The following USH1C variants were observed in gnomAD, a reference collection of about 807,000 sequenced individuals.
USH1C encodes USH1 protein network component harmonin.
A neutral mutation model predicts 119.3 loss-of-function variants in USH1C; 90 were observed. That is an observed-to-expected ratio of 0.75 (90% CI 0.64 to 0.90). The LOEUF is 0.90. USH1C is among the 40% of genes least tolerant of loss of function. USH1C has a pLI of 0.00. For synonymous variants in USH1C, 465 were observed against 443.3 expected, an observed-to-expected ratio of 1.05 and a Z score of -0.62; for missense variants, 1,165 against 1,167.7, an observed-to-expected ratio of 1.00 and a Z score of 0.03.
rs1237575954 is a variant in USH1C at position 17,509,395 on chromosome 11, G to T, written c.1974C>A (p.Asn658Lys). The change falls in exon 18 of 27, where the codon AAC (asparagine) becomes AAA (lysine). Residue 658 changes from asparagine to lysine, a missense_variant. Asn to Lys is a moderately conservative substitution (Grantham distance 94). Transcript: ENST00000005226. The stretch of plus-strand genomic sequence containing the variant: ...GGAAGCTCTGTTCAGGGACAGGGGA[G>T]TTAGTGGGCTTCCCACTGTGGTTCT... ...EAKNHSGKPT[N>K]SPVPEQSFPP... The T allele has an allele frequency of 1.3e-6, 2 of 1,597,510 alleles. No individual in the cohort carries two copies. The highest frequency in any genetic ancestry group is 3.4e-5 in the Admixed American group (2 of 59,446).
chr11:17,509,517 G>A lies in USH1C; in HGVS notation c.1852C>T (p.Pro618Ser). 5 of 1,376,876 alleles carry A rather than the reference G, an allele frequency of 3.6e-6. No individual in the cohort carries two copies. The highest frequency in any genetic ancestry group is 3.0e-6 in the Non-Finnish European group (3 of 1,005,000). The allele number at this position is 1,376,876 out of a possible 1,614,324, so 85.3% of individuals were successfully genotyped here. A position where few individuals can be genotyped will look rare whatever the true frequency, so the allele number is the denominator to read the frequency against. The change falls in exon 18 of 27, where the codon CCC (proline) becomes TCC (serine). Residue 618 changes from proline to serine, a missense_variant. Physicochemically the swap from Pro to Ser is moderately conservative, Grantham distance 74 (BLOSUM62 -1). Coordinates refer to ENST00000005226, the MANE Select transcript of USH1C (RefSeq NM_153676.4). ...AGCGCCGAGGGCAGTGGGCGGGTGG[G>A]AGTGAGGTCTTGGGTGGGAACGGAT... is the stretch of plus-strand genomic sequence containing the variant. Reference protein sequence around the residue: ...PPSVPTQDLTPTRPLPSALEE... With the variant: ...PPSVPTQDLTSTRPLPSALEE...
intron 23 of USH1C, among the ~76,000 whole-genome samples, chr11:17,500,176 G>T (rs900782007): frequency 1.3e-5 from 2 of 152,218 alleles, no homozygotes; most frequent in African/African-American, 4.8e-5. Context: ...AGGGGATAAA[G>T]AACAAGGCAA....
intron 25 of USH1C, among the ~76,000 whole-genome samples, chr11:17,496,489 C>T (rs532668800): frequency 3.8e-4 from 58 of 152,300 alleles, no homozygotes; most frequent in Non-Finnish European, 7.4e-4. Context: ...TTCCCAACGT[C>T]TCTGCTTACC....
At chr11:17,495,096 G>A (rs1849199499) in intron 26 of USH1C, 1 of 247,666 alleles carries the variant, frequency 4.0e-6, no homozygotes, top group East Asian at 9.8e-5. Flanking sequence ...TGGGGGCCAT[G>A]GTGGAGCAAG....
intron 14 of USH1C, among the ~76,000 whole-genome samples, chr11:17,520,346 T>C (rs1280601337): frequency 6.6e-6 from 1 of 152,144 alleles, no homozygotes; most frequent in Admixed American, 6.5e-5. Context: ...GGCCTCCTTG[T>C]CCTGTTCCTG....
intron 23 of USH1C, 98 bp downstream of exon 23, chr11:17,500,953 G>A (rs1053827086): frequency 7.1e-6 from 7 of 992,408 alleles, no homozygotes; most frequent in East Asian, 2.6e-5. Flanking sequence ...TCCAGCAACC[G>A]TCAGCCCACT....
chr11:17,541,187 C>T (rs1851452449), intron 1 of USH1C, among the ~76,000 whole-genome samples: 1 of 152,212 alleles, frequency 6.6e-6, no homozygotes, highest in African/African-American at 2.4e-5. Flanking sequence ...CTTACTATCT[C>T]TCTCTCCCCA....
intron 4 of USH1C, among the ~76,000 whole-genome samples, chr11:17,528,071 C>T (rs751027546): frequency 7.9e-5 from 12 of 152,146 alleles, no homozygotes; most frequent in Non-Finnish European, 1.3e-4. Flanking sequence ...ACCTGTTTTC[C>T]TCGTCTGTAA....
chr11:17,521,284 G>A (rs1000944567), intron 13 of USH1C, 62 bp downstream of exon 13: 27 of 1,577,246 alleles, frequency 1.7e-5, no homozygotes, highest in Admixed American at 5.0e-5. Context: ...CCTCTGGTTG[G>A]CCACACTCCC....
intron 1 of USH1C, among the ~76,000 whole-genome samples, chr11:17,534,132 AC>A (rs1565068160): frequency 6.6e-6 from 1 of 152,268 alleles, no homozygotes; most frequent in Non-Finnish European, 1.5e-5. Context: ...AGAACGGGTA[AC>A]AGAGCAAGGT....
At chr11:17,520,497 C>A (rs938023340) in intron 14 of USH1C, among the ~76,000 whole-genome samples, 1 of 152,132 alleles carries the variant, frequency 6.6e-6, no homozygotes, top group Non-Finnish European at 1.5e-5. Flanking sequence ...GCTGGCTTCA[C>A]CCCAGCCCCT....
In USH1C at chr11:17,498,195, C is replaced by A. The variant is rs1064074; in HGVS notation, c.2457G>T (p.Glu819Asp). Residue 819 changes from glutamate to aspartate, a missense_variant, in exon 24 of 27, where the codon GAG (glutamate) becomes GAT (aspartate). Physicochemically the swap from Glu to Asp is conservative, Grantham distance 45 (BLOSUM62 2). Coordinates refer to ENST00000005226, the MANE Select transcript of USH1C (RefSeq NM_153676.4). ...IVTDYTLAEA[E>D]AALQKAWNQG... ...GATTCCAGGCCTTCTGCAGGGCAGC[C>A]TCAGCCTCAGCCAGGGTGTAGTCTG... The A allele has an allele frequency of 1.6e-5, 26 of 1,613,834 alleles. No individual in the cohort carries two copies. The highest frequency in any genetic ancestry group is 1.8e-5 in the Non-Finnish European group (21 of 1,179,992).
At chr11:17,520,738 G>T in intron 14 of USH1C, 132 bp downstream of exon 14, 1 of 1,105,918 alleles carries the variant, frequency 9.0e-7, no homozygotes, top group Non-Finnish European at 1.4e-6. Flanking sequence ...CTGACCCACA[G>T]CTGCCCCTCC....
Position 17,520,932 on chromosome 11 carries a change from TGTTCCTTTGA to T in USH1C, c.1138_1147del (p.Lys381TyrfsTer53), listed in dbSNP as rs1255492983. 6.2e-7 allele frequency: 1 copy of T among 1,614,124 alleles called. No homozygotes were observed. The highest frequency in any genetic ancestry group is 8.5e-7 in the Non-Finnish European group (1 of 1,179,998). ...AGTGATGGTTTTAGGCAAGAGTAGC[TGTTCCTTTGA>T]GCCCCAGTCTTCTTCCCATTGCTTC... On this transcript the variant is annotated frameshift_variant, in exon 14 of 27. Coordinates refer to ENST00000005226, the MANE Select transcript of USH1C (RefSeq NM_153676.4). LOFTEE classifies it high-confidence loss of function.
At chr11:17,526,720 C>T (rs759281415) in intron 7 of USH1C, 33 bp downstream of exon 7, 31 of 1,609,988 alleles carry the variant, frequency 1.9e-5, no homozygotes, top group Non-Finnish European at 2.5e-5. Context: ...GATGACCCCA[C>T]CCAAACCCCA....
Position 17,509,671 on chromosome 11 carries a change from G to C in USH1C, c.1698C>G (p.His566Gln). 1 of 1,595,572 alleles carries C rather than the reference G, an allele frequency of 6.3e-7. No homozygotes were observed. The highest frequency in any genetic ancestry group is 8.5e-7 in the Non-Finnish European group (1 of 1,177,246). ...KTPSALPVMP[H>Q]PPPSNPPHKV... Reference sequence around the variant, plus strand: ...TGTGGGGTGGGTTGGAGGGTGGAGGGTGGGGCATCACAGGCAAGGCAGAGG... The same window carrying C: ...TGTGGGGTGGGTTGGAGGGTGGAGGCTGGGGCATCACAGGCAAGGCAGAGG... The change falls in exon 18 of 27, where the codon CAC becomes CAG. Residue 566 changes from histidine (H) to glutamine (Q), a missense_variant. Physicochemically the swap from His to Gln is conservative, Grantham distance 24 (BLOSUM62 0). Transcript: ENST00000005226.
At chr11:17,515,276 C>T (rs2133842968) in intron 15 of USH1C, among the ~76,000 whole-genome samples, 1 of 152,306 alleles carries the variant, frequency 6.6e-6, no homozygotes, top group South Asian at 2.1e-4. Context: ...CAAGTTTATT[C>T]AATGCTATAC....
At chr11:17,514,571 C>T (rs1185043325) in intron 15 of USH1C, 2 of 152,178 alleles carry the variant, frequency 1.3e-5, no homozygotes, top group Non-Finnish European at 2.9e-5. Context: ...TACCCACTTG[C>T]ATTTCCTGGA....
Position 17,501,982 on chromosome 11 carries a change from T to G in USH1C, c.2185-2A>C. ...GCCTTCCTCATATTTCCGGAAATCC[T>G]GGAAGCAAAGGGAGGGCTTTAGGGC... On this transcript the variant is annotated splice_acceptor_variant, in intron 20 of 26. Transcript: ENST00000005226. LOFTEE classifies it high-confidence loss of function. 7 of 1,613,392 alleles carry G rather than the reference T, an allele frequency of 4.3e-6. No individual in the cohort carries two copies. The highest frequency in any genetic ancestry group is 5.9e-6 in the Non-Finnish European group (7 of 1,179,718).
Sources: gnomAD v4.1 joint callset for allele counts (sites outside exome capture counted in the v4.1 genomes callset) on GRCh38, gnomAD v4.1.1 for gene constraint, MANE v1.5 for transcripts, NCBI Gene and HGNC (gene_info 2026-07-23, HGNC 2026-07-21) for gene names.